The following SERINC3 variants were observed in gnomAD, a reference collection of about 807,000 sequenced individuals.
SERINC3 encodes serine incorporator 3.
Under a neutral mutation model 52.1 loss-of-function variants are expected in SERINC3, and 22 were observed. The observed-to-expected ratio is 0.42, with a 90% confidence interval of 0.30 to 0.60. SERINC3 has a LOEUF of 0.60. Among genes scored for constraint, SERINC3 ranks in the 20% least tolerant of loss-of-function variants. The probability of loss-of-function intolerance (pLI) is 0.16; values close to 1 mark genes in which losing one functional copy is unlikely to be tolerated. For missense variants in SERINC3, 564 were observed against 584.6 expected, an observed-to-expected ratio of 0.96 and a Z score of 0.36; for synonymous variants, 226 against 212.7, an observed-to-expected ratio of 1.06 and a Z score of -0.54.
At chr20:44,510,495 C>T (rs1046159094) in intron 4 of SERINC3, among the ~76,000 whole-genome samples, 5 of 152,152 alleles carry the variant, frequency 3.3e-5, no homozygotes, top group Admixed American at 3.3e-4. Flanking sequence ...GCAGTGAATG[C>T]CTCCTGACCT....
intron 5 of SERINC3, 138 bp downstream of exon 5, chr20:44,509,753 C>T (rs1236305925): frequency 3.2e-6 from 3 of 945,166 alleles, no homozygotes; most frequent in East Asian, 2.4e-5. Context: ...TGGTCTTGAA[C>T]TCCTGGATTC....
chr20:44,510,678 G>C (rs1428795157), intron 4 of SERINC3, among the ~76,000 whole-genome samples: 2 of 151,994 alleles, frequency 1.3e-5, no homozygotes, highest in Non-Finnish European at 2.9e-5. Flanking sequence ...TGGGCGTGGT[G>C]GTGGGCGCCT....
Position 44,503,988 on chromosome 20 carries a change from G to T in SERINC3, c.882C>A (p.Ser294=). The T allele has an allele frequency of 6.4e-7, 1 of 1,572,564 alleles. No individual in the cohort carries two copies. The highest frequency in any genetic ancestry group is 2.3e-5 in the East Asian group (1 of 42,584). ...WSAMSNEPDR[S]CNPNLMSFIT... is the part of the protein sequence containing the mutation. Reference sequence around the variant, plus strand: ...TAAAGCTCATCAGGTTGGGATTGCAGGAACGATCTGAAAATGAGAAAATTT... The same window carrying T: ...TAAAGCTCATCAGGTTGGGATTGCATGAACGATCTGAAAATGAGAAAATTT... The change falls in exon 8 of 10, where the codon TCC becomes TCA. Residue 294 remains serine (S), a synonymous_variant. Transcript: ENST00000342374.
intron 4 of SERINC3, 146 bp downstream of exon 4, chr20:44,511,143 A>C (rs2064344784): frequency 1.7e-6 from 1 of 579,162 alleles, no homozygotes; most frequent in Non-Finnish European, 3.1e-6. Context: ...CAAACTCCTG[A>C]CCTCAGGTGA....
At chr20:44,520,749 A>G (rs1006823969) in intron 1 of SERINC3, among the ~76,000 whole-genome samples, 2 of 152,258 alleles carry the variant, frequency 1.3e-5, no homozygotes, top group Non-Finnish European at 2.9e-5. Context: ...TACCCTCTGA[A>G]TCTAAAATTA....
In SERINC3 at chr20:44,500,176, T is replaced by C. The variant is rs987322166; in HGVS notation, c.*120A>G. ...TCTCACCTTCTGATATAAACCTGCA[T>C]ACAGTCAAACTTGCAAAGCATTCAC... On this transcript the variant is annotated 3_prime_UTR_variant, in exon 10 of 10. Transcript: ENST00000342374. 5 of 1,064,312 alleles carry C rather than the reference T, an allele frequency of 4.7e-6. No homozygotes were observed. The highest frequency in any genetic ancestry group is 1.7e-5 in the South Asian group (1 of 58,896). The allele number at this position is 1,064,312 out of a possible 1,614,324, so 65.9% of individuals were successfully genotyped here.
At chr20:44,511,490 C>CTATT in intron 3 of SERINC3, 122 bp from the exon 4 acceptor site, 6 of 643,028 alleles carry the variant, frequency 9.3e-6, no homozygotes, top group Non-Finnish European at 1.7e-5. Flanking sequence ...ATTGTCTGGA[C>CTATT]TATTTTCTTC....
chr20:44,512,443 GTTTAAAT>G, intron 3 of SERINC3, among the ~76,000 whole-genome samples: 1 of 151,846 alleles, frequency 6.6e-6, no homozygotes, highest in African/African-American at 2.4e-5. Flanking sequence ...TTTGTACACT[GTTTAAAT>G]TTATCAGGTA....
At chr20:44,517,512 C>G (rs569085895) in intron 1 of SERINC3, among the ~76,000 whole-genome samples, 22 of 151,584 alleles carry the variant, frequency 1.5e-4, no homozygotes, top group Non-Finnish European at 2.4e-4. Context: ...GCTTACAACA[C>G]AGGGAGAATT....
chr20:44,500,135 A>G lies in SERINC3; in HGVS notation c.*161T>C. 1 of 718,772 alleles carries G rather than the reference A, an allele frequency of 1.4e-6. No homozygotes were observed. Among genetic ancestry groups the G allele is most frequent in the Non-Finnish European group, 2.3e-6 (1 of 444,208 alleles). 44.5% of individuals were successfully genotyped at this position (718,772 alleles called of 1,614,324 possible). On this transcript the variant is annotated 3_prime_UTR_variant, in exon 10 of 10. Coordinates refer to ENST00000342374, the MANE Select transcript of SERINC3 (RefSeq NM_006811.4). The stretch of plus-strand genomic sequence containing the variant: ...GATAAATGAGAAGTTTCGATTCTGC[A>G]TCAAGCATTATTCAATCTCACCTTC...
chr20:44,504,935 G>A (rs2064302230), intron 6 of SERINC3, 44 bp from the exon 7 acceptor site: 2 of 1,503,494 alleles, frequency 1.3e-6, no homozygotes, highest in African/African-American at 1.4e-5. Context: ...ACTGCCAAGG[G>A]CTGACTTTCC....
chr20:44,503,776 C>A, intron 8 of SERINC3, 39 bp downstream of exon 8: 9 of 1,443,202 alleles, frequency 6.2e-6, no homozygotes, highest in Admixed American at 2.7e-5. Context: ...TTATTATCAA[C>A]CTCCATGAAA....
At chr20:44,508,805 A>T (rs976237743) in intron 5 of SERINC3, among the ~76,000 whole-genome samples, 3 of 152,252 alleles carry the variant, frequency 2.0e-5, no homozygotes, top group Non-Finnish European at 4.4e-5. Flanking sequence ...AAGCAAGGTG[A>T]ATGCATAAAT....
chr20:44,520,251 T>C (rs1446961901), intron 1 of SERINC3, among the ~76,000 whole-genome samples: 1 of 152,116 alleles, frequency 6.6e-6, no homozygotes, highest in Non-Finnish European at 1.5e-5. Context: ...TGGCATACAC[T>C]ATAATCCCAG....
chr20:44,500,676 C>G (rs1188878726), intron 9 of SERINC3, among the ~76,000 whole-genome samples: 1 of 152,224 alleles, frequency 6.6e-6, no homozygotes, highest in African/African-American at 2.4e-5. Flanking sequence ...AAGACCCTAT[C>G]AGGGCAAAGT....
intron 6 of SERINC3, among the ~76,000 whole-genome samples, chr20:44,506,028 C>A (rs572258865): frequency 1.3e-5 from 2 of 151,984 alleles, no homozygotes; most frequent in Non-Finnish European, 2.9e-5. Context: ...CAGCCACATG[C>A]GGTGGCTCAC....
chr20:44,514,514 C>T (rs902811399), intron 1 of SERINC3, among the ~76,000 whole-genome samples: 1 of 152,052 alleles, frequency 6.6e-6, no homozygotes, highest in Non-Finnish European at 1.5e-5. Flanking sequence ...AATCCCAGCA[C>T]TTTGGGAGGC....
intron 8 of SERINC3, 65 bp downstream of exon 8, chr20:44,503,750 A>G: frequency 2.3e-6 from 3 of 1,326,206 alleles, no homozygotes; most frequent in Non-Finnish European, 3.0e-6. Context: ...TTTGAAAGCA[A>G]AACAGCTTCT....
intron 1 of SERINC3, among the ~76,000 whole-genome samples, chr20:44,515,211 G>T (rs1230896233): frequency 6.6e-6 from 1 of 152,040 alleles, no homozygotes. Context: ...AAAATTATCC[G>T]GGCGTGGTGG....
Sources: gnomAD v4.1 joint callset for allele counts (sites outside exome capture counted in the v4.1 genomes callset) on GRCh38, gnomAD v4.1.1 for gene constraint, MANE v1.5 for transcripts, NCBI Gene and HGNC (gene_info 2026-07-23, HGNC 2026-07-21) for gene names.